Variants in SPG11 observed in about 807,000 individuals in gnomAD.
SPG11 encodes SPG11 vesicle trafficking associated, spatacsin.
Under a neutral mutation model 274.0 loss-of-function variants are expected in SPG11, and 222 were observed. That is an observed-to-expected ratio of 0.81 (90% CI 0.73 to 0.91). The LOEUF is 0.91. Ranked by LOEUF, SPG11 falls within the 40% of genes least tolerant of loss-of-function variation. The pLI is 0.00. For missense variants in SPG11, 3,114 were observed against 2,872.7 expected (o/e 1.08, Z -1.92); for synonymous variants, 1,144 against 1,039.7 (o/e 1.10, Z -1.93).
chr15:44,588,171 GAAC>G (rs749614066), intron 28 of SPG11, among the ~76,000 whole-genome samples: 21 of 151,604 alleles, frequency 1.4e-4, no homozygotes, highest in East Asian at 3.9e-4. Context: ...TAGTATAAAA[GAAC>G]AACATTATCA....
In SPG11 at chr15:44,585,818, G is replaced by A. The variant is rs959026057; in HGVS notation, c.4939C>T (p.Gln1647Ter). The change falls in exon 29 of 40, where the codon CAG (glutamine) becomes TAG (stop). Residue 1647 changes from glutamine to a stop codon, truncating the protein, a stop_gained. Coordinates refer to ENST00000261866, the MANE Select transcript of SPG11 (RefSeq NM_025137.4). LOFTEE classifies it high-confidence loss of function. ...PDVKKLCILC[Q>*]ILKDTSIAIN... ...GCTATGGATGTATCCTTCAAAATCT[G>A]GCAAAGGATGCAAAGCTTTTTCACA... 1 of 1,613,720 alleles carries A rather than the reference G, an allele frequency of 6.2e-7. No individual in the cohort carries two copies. The highest frequency in any genetic ancestry group is 1.3e-5 in the African/African-American group (1 of 74,826).
At position 44,610,892 on chromosome 15, in the gene SPG11, T is replaced by C; in HGVS notation, c.3239A>G (p.His1080Arg). 5 of 1,613,986 alleles carry C rather than the reference T, an allele frequency of 3.1e-6. No individual in the cohort carries two copies. The highest frequency in any genetic ancestry group is 4.2e-6 in the Non-Finnish European group (5 of 1,179,952). ...ASVSSMLLEG[H>R]TLLALATTMY... ...TGTAGTAGCAAGGGCCAGGAGGGTA[T>C]GTCCTTCCAATAGCATACTGCTTAC... Residue 1080 changes from histidine (H) to arginine (R), a missense_variant, in exon 18 of 40, where the codon CAT becomes CGT. By Grantham distance (29) the His-to-Arg change is conservative. Coordinates refer to ENST00000261866, the MANE Select transcript of SPG11 (RefSeq NM_025137.4).
At chr15:44,646,943 G>A (rs556490838) in intron 7 of SPG11, among the ~76,000 whole-genome samples, 2 of 152,118 alleles carry the variant, frequency 1.3e-5, no homozygotes, top group African/African-American at 4.8e-5. Context: ...TTACCTATGT[G>A]ACAAACCTGC....
chr15:44,586,893 A>T (rs1192861870), intron 28 of SPG11, among the ~76,000 whole-genome samples: 3 of 152,216 alleles, frequency 2.0e-5, no homozygotes, highest in African/African-American at 7.2e-5. Flanking sequence ...AGGACAGTTA[A>T]ATCTCCAGCT....
intron 30 of SPG11, among the ~76,000 whole-genome samples, chr15:44,577,751 C>T (rs529974781): frequency 6.6e-6 from 1 of 152,186 alleles, no homozygotes; most frequent in South Asian, 2.1e-4. Context: ...CTGAAGATGA[C>T]CAGAATTATC....
chr15:44,571,460 G>A (rs2082422043), intron 33 of SPG11, among the ~76,000 whole-genome samples: 1 of 151,564 alleles, frequency 6.6e-6, no homozygotes, highest in African/African-American at 2.4e-5. Flanking sequence ...GGACCGAGAA[G>A]AGATAGAGAA....
rs374380629 is a variant in SPG11, at chr15:44,585,584, A to G, written c.5121+52T>C. ...GCCACTGCACTCCAGCCTGGGTGACAGAGCAAGACCCCGTATCTAAAAAAA... is the reference window on the plus strand; with the variant it reads ...GCCACTGCACTCCAGCCTGGGTGACGGAGCAAGACCCCGTATCTAAAAAAA... On this transcript the variant is annotated intron_variant, in intron 29 of 39. Transcript: ENST00000261866. The G allele has an allele frequency of 1.6e-4, 237 of 1,490,540 alleles. 2 individuals carry two copies. In the African/African-American group the frequency reaches 3.1e-3, roughly 19 times the overall value. 92.3% of individuals were successfully genotyped at this position (1,490,540 alleles called of 1,614,324 possible). A position where few individuals can be genotyped will look rare whatever the true frequency, so the allele number is the denominator to read the frequency against.
chr15:44,563,019 G>T lies in SPG11; in HGVS notation c.*102C>A, dbSNP rs1453055447. The T allele has an allele frequency of 9.3e-6, 11 of 1,186,466 alleles. No homozygotes were observed. In the African/African-American group the frequency reaches 1.2e-4, roughly 13 times the overall value. 73.5% of individuals were successfully genotyped at this position (1,186,466 alleles called of 1,614,324 possible). A position where few individuals can be genotyped will look rare whatever the true frequency, so the allele number is the denominator to read the frequency against. ...CAAAGGACTGATATGGTACAGTACC[G>T]GGATTGTTCAACTTTAGCAAAGATC... On this transcript the variant is annotated 3_prime_UTR_variant, in exon 40 of 40. Transcript: ENST00000261866.
Position 44,595,346 on chromosome 15 carries a change from G to T in SPG11, c.4548C>A (p.Asn1516Lys), listed in dbSNP as rs759489082. The change falls in exon 26 of 40, where the codon AAC (asparagine) becomes AAA (lysine). Residue 1516 changes from asparagine to lysine, a missense_variant. By Grantham distance (94) the Asn-to-Lys change is moderately conservative. Coordinates refer to ENST00000261866, the MANE Select transcript of SPG11 (RefSeq NM_025137.4). ...TCCAGATGACTGAAAGATCCTCAAG[G>T]TTCCAGGTATGGTCCTCTGTTGAGT... is the stretch of plus-strand genomic sequence containing the variant. ...IQDSTEDHTW[N>K]LEDLSVIWRT... 1 of 1,614,212 alleles carries T rather than the reference G, an allele frequency of 6.2e-7. No homozygotes were observed. Among genetic ancestry groups the T allele is most frequent in the Non-Finnish European group, 8.5e-7 (1 of 1,180,034 alleles).
intron 19 of SPG11, 88 bp downstream of exon 19, chr15:44,608,356 A>C: frequency 7.1e-7 from 1 of 1,410,922 alleles, no homozygotes; most frequent in South Asian, 1.2e-5. Flanking sequence ...CCTACATTAA[A>C]TGCCCTCCGG....
At chr15:44,622,577 G>GA (rs2083783715) in intron 12 of SPG11, 151 bp downstream of exon 12, 2 of 784,042 alleles carry the variant, frequency 2.6e-6, no homozygotes, top group South Asian at 1.6e-5. Context: ...AGATGAAGGG[G>GA]AAAAAAAGAT....
chr15:44,624,171 G>A (rs2083831423), intron 11 of SPG11, among the ~76,000 whole-genome samples: 2 of 151,176 alleles, frequency 1.3e-5, no homozygotes, highest in Admixed American at 1.3e-4. Context: ...TATATACAAA[G>A]GAATATTATT....
At chr15:44,663,342 G>T in intron 1 of SPG11, 49 bp downstream of exon 1, 1 of 1,582,126 alleles carries the variant, frequency 6.3e-7, no homozygotes, top group East Asian at 2.4e-5. Flanking sequence ...AGTCAGCCGA[G>T]CCTAGGCTCT....
At chr15:44,565,728 G>A in intron 38 of SPG11, 126 bp downstream of exon 38, 3 of 1,215,524 alleles carry the variant, frequency 2.5e-6, no homozygotes, top group Non-Finnish European at 3.6e-6. Context: ...GTATCAGAGA[G>A]TTAAATCAGA....
At chr15:44,593,363 T>C (rs931549428) in intron 26 of SPG11, among the ~76,000 whole-genome samples, 5 of 152,052 alleles carry the variant, frequency 3.3e-5, no homozygotes, top group African/African-American at 1.2e-4. Context: ...AACTAGTTTT[T>C]GTATTTTTTG....
At chr15:44,595,196 CAAG>C (rs1290221399) in intron 26 of SPG11, 60 bp downstream of exon 26, 37 of 1,513,550 alleles carry the variant, frequency 2.4e-5, no homozygotes, top group African/African-American at 5.5e-5. Flanking sequence ...AAGAAAAAGC[CAAG>C]AAGGGATATG....
rs1277634913 is a variant in SPG11, at chr15:44,567,573, G to C, written c.6605C>G (p.Ala2202Gly). The stretch of plus-strand genomic sequence containing the variant: ...GCAGCGTTTGATGTAGTCCAGCAGG[G>C]CTGTTTTCAGGGTACCACTCTGCCC... ...KLDPSGTLKT[A>G]LLDYIKRCRP... is the part of the protein sequence containing the mutation. The change falls in exon 36 of 40, where the codon GCC becomes GGC. Residue 2202 changes from alanine (A) to glycine (G), a missense_variant. By Grantham distance (60) the Ala-to-Gly change is moderately conservative (BLOSUM62 0). Coordinates refer to ENST00000261866, the MANE Select transcript of SPG11 (RefSeq NM_025137.4). 1 of 1,613,854 alleles carries C rather than the reference G, an allele frequency of 6.2e-7. No homozygotes were observed. Among genetic ancestry groups the C allele is most frequent in the East Asian group, 2.2e-5 (1 of 44,874 alleles).
chr15:44,613,380 C>T, intron 17 of SPG11, 50 bp downstream of exon 17: 1 of 1,182,592 alleles, frequency 8.5e-7, no homozygotes, highest in Non-Finnish European at 1.3e-6. Flanking sequence ...TTCAACAGAC[C>T]AGTGACTGAT....
chr15:44,638,920 C>T (rs1033758205), intron 7 of SPG11, among the ~76,000 whole-genome samples: 8 of 151,726 alleles, frequency 5.3e-5, no homozygotes, highest in East Asian at 3.9e-4. Context: ...CGCTTGAACC[C>T]GGGCTGTGGA....
Sources: gnomAD v4.1 joint callset for allele counts (sites outside exome capture counted in the v4.1 genomes callset) on GRCh38, gnomAD v4.1.1 for gene constraint, MANE v1.5 for transcripts, NCBI Gene and HGNC (gene_info 2026-07-23, HGNC 2026-07-21) for gene names.